The following TLN2 variants were observed in gnomAD, a reference collection of about 807,000 sequenced individuals.
TLN2 encodes the protein talin 2.
Under a neutral mutation model 294.7 loss-of-function variants are expected in TLN2, and 118 were observed. That is an observed-to-expected ratio of 0.40 (90% CI 0.34 to 0.47). The LOEUF is 0.47. TLN2 is among the 20% of genes least tolerant of loss of function. TLN2 has a pLI of 0.84. For missense variants in TLN2, 3,083 were observed against 3,282.2 expected, an observed-to-expected ratio of 0.94 and a Z score of 1.48; for synonymous variants, 1,431 against 1,304.5, an observed-to-expected ratio of 1.10 and a Z score of -2.09.
rs763352504 is a variant in TLN2, at chr15:62,727,207, C to T, written c.3358+18C>T. 3.7e-6 allele frequency: 6 copies of T among 1,606,358 alleles called. No individual in the cohort carries two copies. Among genetic ancestry groups the T allele is most frequent in the Non-Finnish European group, 3.4e-6 (4 of 1,175,476 alleles). On this transcript the variant is annotated intron_variant, in intron 28 of 58. Transcript: ENST00000636159. Reference sequence around the variant, plus strand: ...CTACACAGGTGAGACCCACGCCCTTCATGCCACTGTGGCCAGCTTCAGGCC... The same window carrying T: ...CTACACAGGTGAGACCCACGCCCTTTATGCCACTGTGGCCAGCTTCAGGCC...
At chr15:62,432,619 GTGATT>G (rs1207380532) in intron 1 of TLN2, among the ~76,000 whole-genome samples, 5 of 152,204 alleles carry the variant, frequency 3.3e-5, no homozygotes, top group Admixed American at 2.0e-4. Context: ...TGTGTGTTAT[GTGATT>G]TGATTTAATT....
intron 28 of TLN2, among the ~76,000 whole-genome samples, chr15:62,730,913 C>G (rs1478773496): frequency 6.6e-6 from 1 of 152,152 alleles, no homozygotes; most frequent in Non-Finnish European, 1.5e-5. Flanking sequence ...TTGCTTCTGT[C>G]CCATTTCCTT....
In TLN2 at chr15:62,400,106, A is replaced by T. The variant is rs373164401; in HGVS notation, c.-238+9421A>T. Among the ~76,000 whole-genome samples the T allele has an allele frequency of 4.0e-4, 61 of 152,046 alleles. 1 individual carries two copies. The highest frequency in any genetic ancestry group is 3.4e-3 in the Middle Eastern group (1 of 294). On this transcript the variant is annotated intron_variant, in intron 1 of 58. Transcript: ENST00000636159. The stretch of plus-strand genomic sequence containing the variant: ...TGCTGTTCTTCTGATAGTAAGTGAG[A>T]TCTCACGAGATCTGATGGTTTTATG...
rs180753242 is a variant in TLN2, at chr15:62,487,915, A to G, written c.-238+97230A>G. Among the ~76,000 whole-genome samples the G allele has an allele frequency of 6.9e-3, 1,050 of 151,406 alleles. 17 individuals carry two copies. Among genetic ancestry groups the G allele is most frequent in the Middle Eastern group, 6.8e-3 (2 of 294 alleles). On this transcript the variant is annotated intron_variant, in intron 1 of 58. Coordinates refer to ENST00000636159, the MANE Select transcript of TLN2 (RefSeq NM_015059.3). ...GAGAATCCGTCTCAAAAAATAAATA[A>G]ATAAATAAATAAAATTGCCAGGCAT...
At chr15:62,763,790 A>G in intron 40 of TLN2, 95 bp downstream of exon 40, 1 of 1,414,950 alleles carries the variant, frequency 7.1e-7, no homozygotes. Context: ...TAGGGCCAAA[A>G]TGTTTCTGTT....
At chr15:62,453,857 T>G (rs2036303325) in intron 1 of TLN2, 1 of 152,368 alleles carries the variant, frequency 6.6e-6, no homozygotes, top group South Asian at 2.1e-4. Flanking sequence ...TCCTCAGTGT[T>G]TTGGAGGACA....
intron 2 of TLN2, among the ~76,000 whole-genome samples, chr15:62,598,994 C>T (rs2046777943): frequency 6.6e-6 from 1 of 152,114 alleles, no homozygotes; most frequent in Admixed American, 6.6e-5. Flanking sequence ...AAGAATTCTT[C>T]TCTGTTTTCC....
At chr15:62,811,544 A>C (rs547504480) in intron 52 of TLN2, among the ~76,000 whole-genome samples, 2 of 152,342 alleles carry the variant, frequency 1.3e-5, no homozygotes, top group South Asian at 4.1e-4. Context: ...GGGTGCAATC[A>C]GTAGATTTAG....
At position 62,647,443 on chromosome 15, in the gene TLN2, C is replaced by G; in HGVS notation, c.133C>G (p.Gln45Glu). 1 of 1,613,956 alleles carries G rather than the reference C, an allele frequency of 6.2e-7. No individual in the cohort carries two copies. The highest frequency in any genetic ancestry group is 2.2e-5 in the East Asian group (1 of 44,882). Residue 45 changes from glutamine to glutamate, a missense_variant, in exon 4 of 59, where the codon CAA becomes GAA. Physicochemically the swap from Gln to Glu is conservative, Grantham distance 29 (BLOSUM62 2). Coordinates refer to ENST00000636159, the MANE Select transcript of TLN2 (RefSeq NM_015059.3). ...RERVPEAQTG[Q>E]ASDYGLFLSD... is the part of the protein sequence containing the mutation. ...ACGGGTGCCTGAGGCACAAACTGGGCAAGGTAGGTCATGGGTTATTTACTG... is the reference window on the plus strand; with the variant it reads ...ACGGGTGCCTGAGGCACAAACTGGGGAAGGTAGGTCATGGGTTATTTACTG...
intron 1 of TLN2, among the ~76,000 whole-genome samples, chr15:62,406,238 G>A (rs1473272315): frequency 6.6e-6 from 1 of 152,304 alleles, no homozygotes; most frequent in East Asian, 1.9e-4. Context: ...AGGACTGTGA[G>A]GGGGAGCCTG....
At chr15:62,614,333 A>G (rs1312661136) in intron 2 of TLN2, among the ~76,000 whole-genome samples, 1 of 152,208 alleles carries the variant, frequency 6.6e-6, no homozygotes, top group Non-Finnish European at 1.5e-5. Flanking sequence ...TTGAATTAAA[A>G]ACTTTCTGTC....
At chr15:62,668,906 A>G (rs1160811345) in intron 9 of TLN2, among the ~76,000 whole-genome samples, 1 of 152,224 alleles carries the variant, frequency 6.6e-6, no homozygotes, top group Non-Finnish European at 1.5e-5. Flanking sequence ...AGTCATTTAA[A>G]ATGTAGAATC....
At chr15:62,490,744 C>T (rs1345271944) in intron 1 of TLN2, among the ~76,000 whole-genome samples, 2 of 152,112 alleles carry the variant, frequency 1.3e-5, no homozygotes, top group Non-Finnish European at 2.9e-5. Context: ...ACTTTTTCTA[C>T]ACAAGTCCTC....
Position 62,835,723 on chromosome 15 carries a change from ACT to A in TLN2, c.7129-11_7129-10del. 2.5e-6 allele frequency: 4 copies of A among 1,613,214 alleles called. No individual in the cohort carries two copies. The South Asian group carries it at 4.4e-5, about 18-fold the overall frequency. Reference sequence around the variant, plus strand: ...GCCTGCCCTCATGGCCAATTTCTCGACTCTACTCTCTAGGTGGGCTCCATCCC... The same window carrying A: ...GCCTGCCCTCATGGCCAATTTCTCGACTACTCTCTAGGTGGGCTCCATCCC... On this transcript the variant is annotated splice_polypyrimidine_tract_variant and intron_variant, in intron 55 of 58. Coordinates refer to ENST00000636159, the MANE Select transcript of TLN2 (RefSeq NM_015059.3).
intron 1 of TLN2, among the ~76,000 whole-genome samples, chr15:62,494,191 C>T (rs1273623961): frequency 1.3e-5 from 2 of 152,062 alleles, no homozygotes; most frequent in Non-Finnish European, 2.9e-5. Flanking sequence ...TGGGCATAGC[C>T]AAGGGGGTTC....
intron 9 of TLN2, among the ~76,000 whole-genome samples, chr15:62,665,564 C>T (rs995833513): frequency 1.1e-4 from 17 of 152,122 alleles, no homozygotes; most frequent in African/African-American, 4.1e-4. Flanking sequence ...AGGAAACCTC[C>T]CTCATCCTTG....
chr15:62,821,828 G>C (rs1264292125), intron 54 of TLN2, among the ~76,000 whole-genome samples: 1 of 152,150 alleles, frequency 6.6e-6, no homozygotes, highest in Non-Finnish European at 1.5e-5. Context: ...TTCTGGTTAC[G>C]CCTTTGTTTC....
chr15:62,840,238 G>A (rs1360999233), intron 58 of TLN2, among the ~76,000 whole-genome samples: 1 of 152,194 alleles, frequency 6.6e-6, no homozygotes, highest in Non-Finnish European at 1.5e-5. Flanking sequence ...ACATAGTAAG[G>A]CTGCAAGAGA....
intron 1 of TLN2, among the ~76,000 whole-genome samples, chr15:62,478,639 G>A (rs530421691): frequency 2.0e-5 from 3 of 152,116 alleles, no homozygotes; most frequent in South Asian, 2.1e-4. Flanking sequence ...CCTAGTCCTC[G>A]AGGGCTCAGG....
Sources: allele counts gnomAD v4.1 joint callset (sites outside exome capture counted in the v4.1 genomes callset), GRCh38; gene constraint gnomAD v4.1.1; transcripts MANE v1.5; gene names NCBI Gene and HGNC (gene_info 2026-07-23, HGNC 2026-07-21).